LONRF2: variants seen among roughly 807,000 people sequenced by gnomAD.
The protein encoded by LONRF2 is LON peptidase N-terminal domain and ring finger 2.
In LONRF2, 35 loss-of-function variants were observed where a neutral mutation model predicts 66.6. The observed-to-expected ratio is 0.53, with a 90% CI of 0.40 to 0.70. The LOEUF (loss-of-function observed/expected upper bound fraction) is 0.70. Ranked by LOEUF, LONRF2 falls within the 30% of genes least tolerant of loss-of-function variation. The probability of loss-of-function intolerance (pLI) is 0.00; values close to 1 mark genes in which losing one functional copy is unlikely to be tolerated. For missense variants in LONRF2, 902 were observed against 1,002.1 expected (o/e 0.90, Z 1.35); for synonymous variants, 417 against 418.1 (o/e 1.00, Z 0.03).
chr2:100,283,440 G>A lies in LONRF2; in HGVS notation c.*858C>T, dbSNP rs1432713593. The A allele has an allele frequency of 6.6e-6, 1 of 152,108 alleles. No homozygotes were observed. Among genetic ancestry groups the A allele is most frequent in the Admixed American group, 6.6e-5 (1 of 15,264 alleles). The allele number at this position is 152,108 out of a possible 1,614,324, so 9.4% of individuals were successfully genotyped here. A position where few individuals can be genotyped will look rare whatever the true frequency, so the allele number is the denominator to read the frequency against. ...TCTAATGCAAATCCCAATAGAAAAAGATGACTGTTTCCTAAATGCTTAGTA... is the reference window on the plus strand; with the variant it reads ...TCTAATGCAAATCCCAATAGAAAAAAATGACTGTTTCCTAAATGCTTAGTA... On this transcript the variant is annotated 3_prime_UTR_variant, in exon 12 of 12. Coordinates refer to ENST00000393437, the MANE Select transcript of LONRF2 (RefSeq NM_198461.4).
chr2:100,292,204 C>A (rs138933281), intron 9 of LONRF2, among the ~76,000 whole-genome samples: 86 of 152,324 alleles, frequency 5.6e-4, no homozygotes, highest in African/African-American at 2.0e-3. Context: ...CAAGGGAGGA[C>A]TGAATGCCCC....
At chr2:100,319,189 T>C (rs1318522980) in intron 1 of LONRF2, among the ~76,000 whole-genome samples, 2 of 150,762 alleles carry the variant, frequency 1.3e-5, no homozygotes, top group Non-Finnish European at 3.0e-5. Context: ...ATCTGTGAAC[T>C]TTTTTTTTAA....
intron 2 of LONRF2, among the ~76,000 whole-genome samples, chr2:100,304,790 A>ATTTT (rs3039614): frequency 0.38 from 42,582 of 112,532 alleles, 8,848 homozygotes; most frequent in East Asian, 0.66. Context: ...TGCCTGGCTA[A>ATTTT]TTTTTTTTTT....
chr2:100,298,827 T>A lies in LONRF2; in HGVS notation c.1476+9A>T. The A allele has an allele frequency of 6.2e-7, 1 of 1,602,766 alleles. No homozygotes were observed. The highest frequency in any genetic ancestry group is 1.1e-5 in the South Asian group (1 of 90,824). ...GGAGCTGTCCCGTCATTTCCTAAAG[T>A]GTACTTACTTCCGAAAGTTTGTCTT... On this transcript the variant is annotated intron_variant, in intron 7 of 11. Coordinates refer to ENST00000393437, the MANE Select transcript of LONRF2 (RefSeq NM_198461.4).
At chr2:100,294,071 G>A (rs1305616030) in intron 9 of LONRF2, among the ~76,000 whole-genome samples, 158 bp downstream of exon 9, 1 of 152,188 alleles carries the variant, frequency 6.6e-6, no homozygotes, top group Non-Finnish European at 1.5e-5. Context: ...CTAGAAAGAA[G>A]GGATGGGACT....
intron 11 of LONRF2, among the ~76,000 whole-genome samples, chr2:100,285,540 G>C (rs1573108592): frequency 6.6e-6 from 1 of 152,182 alleles, no homozygotes; most frequent in East Asian, 1.9e-4. Context: ...ATATGGCAGA[G>C]GGAATTGGAG....
Position 100,278,154 on chromosome 2 carries a change from C to T in LONRF2, c.*6144G>A, listed in dbSNP as rs572269814. On this transcript the variant is annotated 3_prime_UTR_variant, in exon 12 of 12. Transcript: ENST00000393437. ...CCCCGAAATGGGCCTCTATCTTGCACCACAAACCTGAATCTCTCTTAATTT... is the reference window on the plus strand; with the variant it reads ...CCCCGAAATGGGCCTCTATCTTGCATCACAAACCTGAATCTCTCTTAATTT... 2.0e-5 allele frequency: 3 copies of T among 152,274 alleles called. No individual in the cohort carries two copies. In the South Asian group the frequency reaches 6.2e-4, roughly 32 times the overall value. The allele number at this position is 152,274 out of a possible 1,614,324, so 9.4% of individuals were successfully genotyped here.
rs140410536 is a variant in LONRF2, at chr2:100,284,308, C to A, written c.2255G>T (p.Arg752Ile). ...SRQELANARE[R>I]NN ...TGACAGAGAGAAAAATCAATTATTT[C>A]TCTCCCTGGCATTAGCCAGCTCTTG... Residue 752 changes from arginine to isoleucine, a missense_variant, in exon 12 of 12, where the codon AGA (arginine) becomes ATA (isoleucine). Around this residue, in one of 2 missense-constraint regions of LONRF2, gnomAD observed 317 missense variants for 432.2 expected, o/e 0.73. Transcript: ENST00000393437. The A allele has an allele frequency of 7.0e-5, 107 of 1,531,266 alleles. No individual in the cohort carries two copies. The highest frequency in any genetic ancestry group is 8.3e-5 in the Admixed American group (4 of 48,242). 94.9% of individuals were successfully genotyped at this position (1,531,266 alleles called of 1,614,324 possible). A position where few individuals can be genotyped will look rare whatever the true frequency, so the allele number is the denominator to read the frequency against.
At position 100,284,082 on chromosome 2, in the gene LONRF2, G is replaced by A. The variant is rs7569170; in HGVS notation, c.*216C>T. On this transcript the variant is annotated 3_prime_UTR_variant, in exon 12 of 12. Coordinates refer to ENST00000393437, the MANE Select transcript of LONRF2 (RefSeq NM_198461.4). ...TTTTCTTAGGTTGTTTTCCAACTAT[G>A]GGCTCCATTCAGACTTCAGGCTAAC... 248 of 459,706 alleles carry A rather than the reference G, an allele frequency of 5.4e-4. No individual in the cohort carries two copies. The highest frequency in any genetic ancestry group is 4.6e-3 in the African/African-American group (232 of 50,028). 28.5% of individuals were successfully genotyped at this position (459,706 alleles called of 1,614,324 possible). A position where few individuals can be genotyped will look rare whatever the true frequency, so the allele number is the denominator to read the frequency against.
Position 100,294,560 on chromosome 2 carries a change from G to C in LONRF2, c.1599-173C>G, listed in dbSNP as rs866271219. Among the ~76,000 whole-genome samples, 8 of 152,284 alleles carry C rather than the reference G, an allele frequency of 5.3e-5. No homozygotes were observed. In the South Asian group the frequency reaches 6.2e-4, roughly 12 times the overall value. On this transcript the variant is annotated intron_variant, in intron 8 of 11. Transcript: ENST00000393437. ...GGACCATAGCATGTGAAAATTCTCT[G>C]CTCACCCAGGTTTCCTGACAAATCT...
chr2:100,289,133 G>A (rs1674904845), intron 10 of LONRF2, among the ~76,000 whole-genome samples: 1 of 151,696 alleles, frequency 6.6e-6, no homozygotes, highest in South Asian at 2.1e-4. Context: ...TAGAGAACAG[G>A]GACTGACAGA....
chr2:100,299,710 C>T lies in LONRF2; in HGVS notation c.1267+7G>A, dbSNP rs1368502233. 1.9e-6 allele frequency: 3 copies of T among 1,612,940 alleles called. No individual in the cohort carries two copies. The highest frequency in any genetic ancestry group is 2.2e-5 in the East Asian group (1 of 44,870). ...ACAGAACTGCCTGATGAAAACAGTT[C>T]ACTGACCTTTCTTGGGAATTTTTCC... On this transcript the variant is annotated splice_region_variant and intron_variant, in intron 5 of 11. Coordinates refer to ENST00000393437, the MANE Select transcript of LONRF2 (RefSeq NM_198461.4).
At chr2:100,313,869 C>G (rs962176557) in intron 1 of LONRF2, among the ~76,000 whole-genome samples, 1 of 152,130 alleles carries the variant, frequency 6.6e-6, no homozygotes, top group Non-Finnish European at 1.5e-5. Flanking sequence ...TGACTTCTCA[C>G]TAAATTATCA....
rs1410780523 is a variant in LONRF2 at position 100,298,951 on chromosome 2, C to G, written c.1362-1G>C. On this transcript the variant is annotated splice_acceptor_variant, in intron 6 of 11. Transcript: ENST00000393437. LOFTEE classifies it high-confidence loss of function. ...CGTAGTGACAGGTTCAAAGAGCAATCTGGAAGAAAATATCTGTTTTCAGCC... is the reference window on the plus strand; with the variant it reads ...CGTAGTGACAGGTTCAAAGAGCAATGTGGAAGAAAATATCTGTTTTCAGCC... 1 of 1,608,928 alleles carries G rather than the reference C, an allele frequency of 6.2e-7. No individual in the cohort carries two copies. The highest frequency in any genetic ancestry group is 1.7e-5 in the Admixed American group (1 of 60,016).
In LONRF2 at chr2:100,273,592, G is replaced by A. The variant is rs1461153214; in HGVS notation, c.*10706C>T. ...TCACTTAGGCAACAAGAAATGCTGA[G>A]TAGTATTATTACATATTCAAACCAG... is the stretch of plus-strand genomic sequence containing the variant. On this transcript the variant is annotated 3_prime_UTR_variant, in exon 12 of 12. Transcript: ENST00000393437. 2.6e-5 allele frequency: 4 copies of A among 152,192 alleles called. No individual in the cohort carries two copies. The highest frequency in any genetic ancestry group is 4.4e-5 in the Non-Finnish European group (3 of 68,044). The allele number at this position is 152,192 out of a possible 1,614,324, so 9.4% of individuals were successfully genotyped here.
At chr2:100,292,692 T>C (rs1674986104) in intron 9 of LONRF2, among the ~76,000 whole-genome samples, 1 of 152,338 alleles carries the variant, frequency 6.6e-6, no homozygotes, top group African/African-American at 2.4e-5. Context: ...TCTAATTTAC[T>C]AATCTCTCCC....
intron 1 of LONRF2, among the ~76,000 whole-genome samples, chr2:100,318,276 AT>A (rs1219405541): frequency 6.6e-6 from 1 of 152,170 alleles, no homozygotes; most frequent in African/African-American, 2.4e-5. Context: ...TGTATTTTGA[AT>A]TTCCAGGATA....
chr2:100,315,442 T>C (rs540553827), intron 1 of LONRF2, among the ~76,000 whole-genome samples: 15 of 152,346 alleles, frequency 9.8e-5, no homozygotes, highest in African/African-American at 3.6e-4. Flanking sequence ...TACATAGCTA[T>C]CTAGAATCTC....
At chr2:100,319,359 A>G (rs1675577177) in intron 1 of LONRF2, among the ~76,000 whole-genome samples, 1 of 152,316 alleles carries the variant, frequency 6.6e-6, no homozygotes, top group East Asian at 1.9e-4. Flanking sequence ...AATTAGGTCT[A>G]ATATATATAC....
Sources: gnomAD v4.1 joint callset for allele counts (sites outside exome capture counted in the v4.1 genomes callset) on GRCh38, gnomAD v4.1.1 for gene constraint, gnomAD v4.1.1 regional missense constraint, MANE v1.5 for transcripts, NCBI Gene and HGNC (gene_info 2026-07-23, HGNC 2026-07-21) for gene names.